The following SLC25A13 variants were observed in gnomAD, a reference collection of about 807,000 sequenced individuals.
SLC25A13 encodes solute carrier family 25 member 13.
Under a neutral mutation model 85.5 loss-of-function variants are expected in SLC25A13, and 70 were observed. That is an observed-to-expected ratio of 0.82 (90% CI 0.68 to 1.00). The LOEUF is 1.00. Ranked by LOEUF, SLC25A13 falls within the 50% of genes least tolerant of loss-of-function variation. The pLI is 0.00. For missense variants in SLC25A13, 765 were observed against 819.8 expected (o/e 0.93, Z 0.82); for synonymous variants, 259 against 288.7 (o/e 0.90, Z 1.04).
chr7:96,286,055 C>CACTTTGGGAGGCCA (rs1256491573), intron 2 of SLC25A13, among the ~76,000 whole-genome samples: 1 of 152,054 alleles, frequency 6.6e-6, no homozygotes, highest in East Asian at 1.9e-4. Context: ...GAGGCCAAGG[C>CACTTTGGGAGGCCA]AGGAGGATCA....
chr7:96,192,999 T>C (rs1235287005), intron 6 of SLC25A13, 38 bp downstream of exon 6: 3 of 1,606,798 alleles, frequency 1.9e-6, no homozygotes, highest in Non-Finnish European at 2.6e-6. Context: ...CCTTATTTAC[T>C]GAGTTAAACC....
At chr7:96,252,958 G>A (rs1036777774) in intron 3 of SLC25A13, among the ~76,000 whole-genome samples, 1 of 152,118 alleles carries the variant, frequency 6.6e-6, no homozygotes, top group African/African-American at 2.4e-5. Context: ...TCTGGGCATG[G>A]TGCCATGCTC....
intron 3 of SLC25A13, among the ~76,000 whole-genome samples, chr7:96,269,676 G>T (rs2116918390): frequency 6.6e-6 from 1 of 152,332 alleles, no homozygotes; most frequent in Admixed American, 6.5e-5. Flanking sequence ...GTTCACTGCA[G>T]CATTATTCAC....
intron 1 of SLC25A13, among the ~76,000 whole-genome samples, chr7:96,313,332 A>G (rs1205776245): frequency 6.6e-6 from 1 of 152,234 alleles, no homozygotes; most frequent in African/African-American, 2.4e-5. Context: ...GCACAGCACT[A>G]TTCACAGTAG....
At chr7:96,227,373 T>G (rs1027270014) in intron 4 of SLC25A13, among the ~76,000 whole-genome samples, 1 of 152,188 alleles carries the variant, frequency 6.6e-6, no homozygotes, top group South Asian at 2.1e-4. Context: ...CATATACATA[T>G]AGATATTATA....
intron 3 of SLC25A13, among the ~76,000 whole-genome samples, chr7:96,252,163 T>C (rs1584514731): frequency 1.3e-5 from 2 of 152,220 alleles, no homozygotes; most frequent in East Asian, 3.8e-4. Flanking sequence ...TTCCAGCATC[T>C]TCCTTTTTTT....
At chr7:96,181,030 C>T (rs368995783) in intron 11 of SLC25A13, among the ~76,000 whole-genome samples, 20 of 152,208 alleles carry the variant, frequency 1.3e-4, no homozygotes, top group African/African-American at 4.8e-4. Context: ...TTAATACAGA[C>T]AGGCTTGGCC....
At chr7:96,153,722 T>C (rs1793138297) in intron 13 of SLC25A13, among the ~76,000 whole-genome samples, 1 of 152,240 alleles carries the variant, frequency 6.6e-6, no homozygotes, top group Admixed American at 6.5e-5. Flanking sequence ...TAGTATTGAA[T>C]ACTAGCACCA....
At chr7:96,187,713 A>G (rs910500296) in intron 9 of SLC25A13, among the ~76,000 whole-genome samples, 1 of 152,190 alleles carries the variant, frequency 6.6e-6, no homozygotes, top group Non-Finnish European at 1.5e-5. Context: ...CCAGAACTGT[A>G]GCATGTTCTT....
intron 13 of SLC25A13, among the ~76,000 whole-genome samples, chr7:96,156,186 A>G (rs1229218737): frequency 6.6e-6 from 1 of 152,220 alleles, no homozygotes; most frequent in Non-Finnish European, 1.5e-5. Context: ...GGTACAATAT[A>G]ACTGATTTTC....
chr7:96,321,233 C>A (rs920309807), intron 1 of SLC25A13, among the ~76,000 whole-genome samples: 11 of 152,162 alleles, frequency 7.2e-5, no homozygotes, highest in African/African-American at 2.7e-4. Flanking sequence ...CTTTCAAGTA[C>A]AACTTCACAG....
chr7:96,305,171 T>C (rs1209921504), intron 1 of SLC25A13, among the ~76,000 whole-genome samples: 1 of 152,170 alleles, frequency 6.6e-6, no homozygotes, highest in East Asian at 1.9e-4. Flanking sequence ...CTAAAGAGTC[T>C]TAAATGAATA....
At chr7:96,301,585 TA>T (rs1799549316) in intron 1 of SLC25A13, among the ~76,000 whole-genome samples, 1 of 151,956 alleles carries the variant, frequency 6.6e-6, no homozygotes, top group African/African-American at 2.4e-5. Context: ...GATAACATTT[TA>T]CTCTGATTCC....
chr7:96,281,808 C>T (rs1798689681), intron 2 of SLC25A13, among the ~76,000 whole-genome samples: 1 of 152,188 alleles, frequency 6.6e-6, no homozygotes, highest in African/African-American at 2.4e-5. Flanking sequence ...AATCTGGGCA[C>T]AGAAATAGTT....
intron 2 of SLC25A13, among the ~76,000 whole-genome samples, chr7:96,295,327 C>A (rs188559934): frequency 9.3e-4 from 142 of 152,254 alleles, no homozygotes; most frequent in African/African-American, 3.4e-3. Context: ...CCAGCCTGGG[C>A]AACAAGAGTG....
At chr7:96,247,064 ACAGT>A (rs1259288042) in intron 3 of SLC25A13, among the ~76,000 whole-genome samples, 1 of 152,186 alleles carries the variant, frequency 6.6e-6, no homozygotes, top group African/African-American at 2.4e-5. Context: ...GTAATTTTTC[ACAGT>A]CAATTACATG....
intron 15 of SLC25A13, among the ~76,000 whole-genome samples, chr7:96,125,776 T>C (rs1443428503): frequency 6.6e-6 from 1 of 151,718 alleles, no homozygotes; most frequent in Non-Finnish European, 1.5e-5. Flanking sequence ...TGCATGTCTT[T>C]ATTTTCCACA....
intron 3 of SLC25A13, among the ~76,000 whole-genome samples, chr7:96,247,190 T>C (rs1797224601): frequency 6.6e-6 from 1 of 152,222 alleles, no homozygotes; most frequent in Non-Finnish European, 1.5e-5. Flanking sequence ...CTCTCCGGTT[T>C]AGCATAACCC....
At position 96,322,076 on chromosome 7, in the gene SLC25A13, C is replaced by G. The variant is rs1386773985; in HGVS notation, c.-120G>C. On this transcript the variant is annotated 5_prime_UTR_variant, in exon 1 of 18. Coordinates refer to ENST00000265631, the MANE Select transcript of SLC25A13 (RefSeq NM_014251.3). The stretch of plus-strand genomic sequence containing the variant: ...CGGTGGGGGCGGCGATACGGCCAGG[C>G]AGCGTGCGTTCCTGGCCTGCCTCCC... 7.3e-7 allele frequency: 1 copy of G among 1,362,870 alleles called. No individual in the cohort carries two copies. Among genetic ancestry groups the G allele is most frequent in the Non-Finnish European group, 1.0e-6 (1 of 995,810 alleles). The allele number at this position is 1,362,870 out of a possible 1,614,324, so 84.4% of individuals were successfully genotyped here. A position where few individuals can be genotyped will look rare whatever the true frequency, so the allele number is the denominator to read the frequency against.
Sources: gnomAD v4.1 joint callset for allele counts (sites outside exome capture counted in the v4.1 genomes callset) on GRCh38, gnomAD v4.1.1 for gene constraint, MANE v1.5 for transcripts, NCBI Gene and HGNC (gene_info 2026-07-23, HGNC 2026-07-21) for gene names.